CCM2L: variants seen among roughly 807,000 people sequenced by gnomAD.
CCM2L encodes the protein CCM2 like scaffold protein.
CCM2L carries 36 observed loss-of-function variants against 54.1 expected under a neutral mutation model. The observed-to-expected ratio is 0.67, with a 90% CI of 0.51 to 0.88. CCM2L has a LOEUF of 0.88. CCM2L is among the 40% of genes least tolerant of loss of function. The pLI is 0.00. For synonymous variants in CCM2L, 351 were observed against 359.3 expected, an observed-to-expected ratio of 0.98 and a Z score of 0.26; for missense variants, 700 against 812.1, an observed-to-expected ratio of 0.86 and a Z score of 1.68.
intron 7 of CCM2L, chr20:32,028,750 G>A (rs1391721737): frequency 5.8e-6 from 3 of 515,788 alleles, no homozygotes; most frequent in Non-Finnish European, 1.1e-5. Context: ...ACCAGCAGGT[G>A]CAAACACCCA....
At chr20:32,029,971 C>G (rs2064905656) in intron 9 of CCM2L, 133 bp downstream of exon 9, 19 of 1,173,896 alleles carry the variant, frequency 1.6e-5, no homozygotes, top group Admixed American at 6.6e-5. Context: ...ATGAGATTCA[C>G]AGGGCAGATG....
chr20:32,025,232 C>CTCTT (rs886306535), intron 6 of CCM2L, among the ~76,000 whole-genome samples: 2 of 106,878 alleles, frequency 1.9e-5, no homozygotes, highest in East Asian at 2.5e-4. Flanking sequence ...CTTTCCTTTC[C>CTCTT]TCTTTCTTTC....
intron 6 of CCM2L, among the ~76,000 whole-genome samples, chr20:32,025,169 T>C (rs1470346403): frequency 1.3e-5 from 2 of 151,744 alleles, no homozygotes; most frequent in Admixed American, 6.6e-5. Flanking sequence ...TTTCTTTCTT[T>C]CCTTTCTTTT....
chr20:32,010,537 G>GT, intron 1 of CCM2L, 53 bp downstream of exon 1: 1 of 608,272 alleles, frequency 1.6e-6, no homozygotes, highest in Non-Finnish European at 2.6e-6. Flanking sequence ...CAAAGCTGGG[G>GT]AAGGGGGCAA....
chr20:32,017,845 A>G lies in CCM2L; in HGVS notation c.244A>G (p.Ser82Gly). ...TWVTSSLNPSSRDELLQLLDT... is the reference protein window; with the variant it reads ...TWVTSSLNPSGRDELLQLLDT... ...GGTGACTTCCTCACTGAACCCCTCCAGTCGGGACGAGCTCCTGCAGCTGCT... is the reference window on the plus strand; with the variant it reads ...GGTGACTTCCTCACTGAACCCCTCCGGTCGGGACGAGCTCCTGCAGCTGCT... Residue 82 changes from serine (S) to glycine (G), a missense_variant, in exon 3 of 10, where the codon AGT (serine) becomes GGT (glycine). By Grantham distance (56) the Ser-to-Gly change is moderately conservative (BLOSUM62 0). Coordinates refer to ENST00000452892, the MANE Select transcript of CCM2L (RefSeq NM_001365692.1). 1 of 1,614,008 alleles carries G rather than the reference A, an allele frequency of 6.2e-7. No homozygotes were observed. Among genetic ancestry groups the G allele is most frequent in the Non-Finnish European group, 8.5e-7 (1 of 1,180,010 alleles).
In CCM2L at chr20:32,029,003, C is replaced by T; in HGVS notation, c.1142C>T (p.Ser381Phe). 1 of 1,614,130 alleles carries T rather than the reference C, an allele frequency of 6.2e-7. No individual in the cohort carries two copies. The highest frequency in any genetic ancestry group is 8.5e-7 in the Non-Finnish European group (1 of 1,180,002). Residue 381 changes from serine (S) to phenylalanine (F), a missense_variant, in exon 8 of 10, where the codon TCC (serine) becomes TTC (phenylalanine). Physicochemically the swap from Ser to Phe is radical, Grantham distance 155 (BLOSUM62 -2). Transcript: ENST00000452892. ...DFSCCSSFNG[S>F]QDTFEACYSG... ...TCTTCCCGTGCCTGCAGTAATGGCTCCCAGGACACCTTTGAAGCATGTTAC... is the reference window on the plus strand; with the variant it reads ...TCTTCCCGTGCCTGCAGTAATGGCTTCCAGGACACCTTTGAAGCATGTTAC...
chr20:32,019,985 C>T (rs2064787954), intron 5 of CCM2L, among the ~76,000 whole-genome samples: 1 of 152,164 alleles, frequency 6.6e-6, no homozygotes, highest in African/African-American at 2.4e-5. Context: ...CTTCCTTCCC[C>T]CTCCGTCTTC....
chr20:32,022,604 G>T (rs2064814857), intron 5 of CCM2L, 56 bp from the exon 6 acceptor site: 1 of 1,598,964 alleles, frequency 6.3e-7, no homozygotes. Context: ...AGGAAGCAGG[G>T]TAACATCTTG....
rs1377020656 is a variant in CCM2L at position 32,017,799 on chromosome 20, G to T, written c.199-1G>T. ...CTTCTCTCACCCCGATTTCCATCCA[G>T]TTCCTGGGCCACCTTACCTGGGTGA... On this transcript the variant is annotated splice_acceptor_variant, in intron 2 of 9. Coordinates refer to ENST00000452892, the MANE Select transcript of CCM2L (RefSeq NM_001365692.1). LOFTEE classifies it high-confidence loss of function. 6.2e-7 allele frequency: 1 copy of T among 1,613,938 alleles called. No individual in the cohort carries two copies. Among genetic ancestry groups the T allele is most frequent in the Admixed American group, 1.7e-5 (1 of 59,994 alleles).
In CCM2L at chr20:32,031,622, C is replaced by T. The variant is rs78709693; in HGVS notation, c.*308C>T. ...CCAGAGGGATCAGCCCCAGAACACACCCTCCTCCCCGGGACGCCGCAGCTT... is the reference window on the plus strand; with the variant it reads ...CCAGAGGGATCAGCCCCAGAACACATCCTCCTCCCCGGGACGCCGCAGCTT... On this transcript the variant is annotated 3_prime_UTR_variant, in exon 10 of 10. Coordinates refer to ENST00000452892, the MANE Select transcript of CCM2L (RefSeq NM_001365692.1). 0.011 allele frequency: 1,901 copies of T among 171,824 alleles called. 37 individuals carry two copies. Among genetic ancestry groups the T allele is most frequent in the African/African-American group, 0.042 (1,749 of 41,590 alleles). The allele number at this position is 171,824 out of a possible 1,614,324, so 10.6% of individuals were successfully genotyped here. A position where few individuals can be genotyped will look rare whatever the true frequency, so the allele number is the denominator to read the frequency against.
chr20:32,028,824 A>T, intron 7 of CCM2L, 171 bp from the exon 8 acceptor site: 1 of 789,574 alleles, frequency 1.3e-6, no homozygotes. Flanking sequence ...ACAAAGAGCA[A>T]AGGCAAAGGC....
At chr20:32,012,477 A>G (rs2064703191) in intron 1 of CCM2L, among the ~76,000 whole-genome samples, 1 of 152,104 alleles carries the variant, frequency 6.6e-6, no homozygotes, top group African/African-American at 2.4e-5. Context: ...AGGATCGCTG[A>G]GTCAGAAAGA....
At position 32,031,705 on chromosome 20, in the gene CCM2L, G is replaced by T. The variant is rs527536404; in HGVS notation, c.*391G>T. The T allele has an allele frequency of 3.8e-4, 65 of 169,282 alleles. No homozygotes were observed. The South Asian group carries it at 5.1e-3, about 13-fold the overall frequency. 10.5% of individuals were successfully genotyped at this position (169,282 alleles called of 1,614,324 possible). A position where few individuals can be genotyped will look rare whatever the true frequency, so the allele number is the denominator to read the frequency against. Reference sequence around the variant, plus strand: ...TCCACCTGCTGGCCGACTGAGAAAAGAATTTCCAGAACTCGGTCCTATTTT... The same window carrying T: ...TCCACCTGCTGGCCGACTGAGAAAATAATTTCCAGAACTCGGTCCTATTTT... On this transcript the variant is annotated 3_prime_UTR_variant, in exon 10 of 10. Transcript: ENST00000452892.
chr20:32,028,756 AC>A, intron 7 of CCM2L: 1 of 531,444 alleles, frequency 1.9e-6, no homozygotes, highest in East Asian at 3.3e-5. Context: ...AGGTGCAAAC[AC>A]CCAGAGGTGA....
chr20:32,016,556 T>A (rs1242721000), intron 2 of CCM2L, among the ~76,000 whole-genome samples: 2 of 151,994 alleles, frequency 1.3e-5, no homozygotes, highest in African/African-American at 4.8e-5. Context: ...CTGGGGAGGC[T>A]GAGGCAGGAC....
intron 8 of CCM2L, 171 bp downstream of exon 8, chr20:32,029,295 C>A: frequency 1.2e-6 from 1 of 813,152 alleles, no homozygotes; most frequent in Non-Finnish European, 1.9e-6. Context: ...AAGGCCTTAA[C>A]TAATGTCAGC....
rs1168586560 is a variant in CCM2L, at chr20:32,015,021, C to T, written c.148C>T (p.Leu50Phe). The change falls in exon 2 of 10, where the codon CTC (leucine) becomes TTC (phenylalanine). Residue 50 changes from leucine to phenylalanine, a missense_variant. Physicochemically the swap from Leu to Phe is conservative, Grantham distance 22. Coordinates refer to ENST00000452892, the MANE Select transcript of CCM2L (RefSeq NM_001365692.1). ...HSMPLYPPDY[L>F]IDPQILLCDY... ...GATGCCCCTTTATCCCCCCGACTAC[C>T]TCATCGACCCCCAGATTCTGCTGTG... The T allele has an allele frequency of 6.4e-7, 1 of 1,561,960 alleles. No homozygotes were observed. The highest frequency in any genetic ancestry group is 1.4e-5 in the African/African-American group (1 of 71,702).
intron 7 of CCM2L, 24 bp downstream of exon 7, chr20:32,025,943 C>T (rs1373848467): frequency 3.1e-6 from 4 of 1,301,298 alleles, no homozygotes; most frequent in Middle Eastern, 2.1e-4. Context: ...CTGTCAGGGA[C>T]TCCACCCTGC....
At chr20:32,015,194 C>T in intron 2 of CCM2L, 123 bp downstream of exon 2, 3 of 1,024,754 alleles carry the variant, frequency 2.9e-6, no homozygotes, top group Non-Finnish European at 4.1e-6. Context: ...TGGAAAGAGG[C>T]CTGGGTTCAT....
Sources: allele counts gnomAD v4.1 joint callset (sites outside exome capture counted in the v4.1 genomes callset), GRCh38; gene constraint gnomAD v4.1.1; transcripts MANE v1.5; gene names NCBI Gene and HGNC (gene_info 2026-07-23, HGNC 2026-07-21).